Variants in GANC observed in about 807,000 individuals in gnomAD.
GANC encodes glucosidase alpha, neutral C.
A neutral mutation model predicts 124.2 loss-of-function variants in GANC; 117 were observed. The observed-to-expected ratio is 0.94, with a 90% CI of 0.81 to 1.10. GANC has a LOEUF of 1.10. Ranked by LOEUF, GANC falls within the 50% of genes least tolerant of loss-of-function variation. The pLI, the probability that GANC is intolerant of heterozygous loss-of-function variation, is 0.00. For missense variants in GANC, 1,140 were observed against 1,095.0 expected (o/e 1.04, Z -0.58); for synonymous variants, 377 against 376.8 (o/e 1.00, Z -0.01).
At chr15:42,327,595 T>C (rs779482627) in intron 13 of GANC, 153 bp downstream of exon 13, 111 of 616,754 alleles carry the variant, frequency 1.8e-4, no homozygotes, top group Non-Finnish European at 2.9e-4. Flanking sequence ...TTACAGACTC[T>C]GGGGGTGCTG....
Position 42,339,581 on chromosome 15 carries a change from C to G in GANC, c.1844-88C>G, listed in dbSNP as rs1236017086. The G allele has an allele frequency of 4.0e-6, 6 of 1,498,328 alleles. No homozygotes were observed. The Admixed American group carries it at 1.2e-4, about 29-fold the overall frequency. 92.8% of individuals were successfully genotyped at this position (1,498,328 alleles called of 1,614,324 possible). On this transcript the variant is annotated intron_variant, in intron 16 of 23. Coordinates refer to ENST00000318010, the MANE Select transcript of GANC (RefSeq NM_198141.3). Reference sequence around the variant, plus strand: ...TTTGAAGTGCATATACTGCACTTTTCTCCTGTCGGTCTTCAAGACCTTAAT... The same window carrying G: ...TTTGAAGTGCATATACTGCACTTTTGTCCTGTCGGTCTTCAAGACCTTAAT...
chr15:42,341,365 A>C (rs1201082098), intron 18 of GANC, among the ~76,000 whole-genome samples: 1 of 152,178 alleles, frequency 6.6e-6, no homozygotes, highest in Non-Finnish European at 1.5e-5. Context: ...GAAGTAGAAA[A>C]AAACAGCCCA....
chr15:42,297,844 C>CATTCATTCATTT (rs2051906558), intron 6 of GANC, among the ~76,000 whole-genome samples, 188 bp downstream of exon 6: 1 of 4,372 alleles, frequency 2.3e-4, no homozygotes, highest in Non-Finnish European at 4.8e-3. Context: ...TTTATTCATT[C>CATTCATTCATTT]ATTCATTCAT....
chr15:42,328,018 C>T (rs1042815911), intron 13 of GANC, among the ~76,000 whole-genome samples: 38 of 152,124 alleles, frequency 2.5e-4, no homozygotes, highest in African/African-American at 8.9e-4. Flanking sequence ...CATTTGTCTT[C>T]ATAATAACCC....
chr15:42,278,693 A>C (rs570202338), intron 3 of GANC, 103 bp downstream of exon 3: 1 of 779,382 alleles, frequency 1.3e-6, no homozygotes, highest in African/African-American at 1.8e-5. Flanking sequence ...AAACCTCGTT[A>C]GAAAAGGAAT....
Position 42,334,920 on chromosome 15 carries a change from G to T in GANC, c.1742-3469G>T, listed in dbSNP as rs187884158. Among the ~76,000 whole-genome samples the T allele has an allele frequency of 2.7e-3, 408 of 152,198 alleles. 1 individual carries two copies. Among genetic ancestry groups the T allele is most frequent in the African/African-American group, 9.5e-3 (394 of 41,554 alleles). Reference sequence around the variant, plus strand: ...TACCCTCCTAAGACTGAACCAAGAAGAAATTGAATCCCTGAAAAGACTAAT... The same window carrying T: ...TACCCTCCTAAGACTGAACCAAGAATAAATTGAATCCCTGAAAAGACTAAT... On this transcript the variant is annotated intron_variant, in intron 15 of 23. Transcript: ENST00000318010.
At chr15:42,275,664 T>TA (rs1162739476) in intron 1 of GANC, among the ~76,000 whole-genome samples, 1 of 152,142 alleles carries the variant, frequency 6.6e-6, no homozygotes, top group Non-Finnish European at 1.5e-5. Context: ...TCAATATACA[T>TA]ATATCTCATT....
At chr15:42,280,141 G>A (rs934020013) in intron 3 of GANC, among the ~76,000 whole-genome samples, 1 of 151,942 alleles carries the variant, frequency 6.6e-6, no homozygotes, top group East Asian at 1.9e-4. Flanking sequence ...TTATTGTGGC[G>A]GTACATTTAG....
chr15:42,278,079 T>C, intron 2 of GANC: 1 of 367,322 alleles, frequency 2.7e-6, no homozygotes, highest in Non-Finnish European at 5.7e-6. Flanking sequence ...AAGTCTACAG[T>C]GAATGCCTGG....
chr15:42,276,737 C>G (rs1418460754), intron 2 of GANC, among the ~76,000 whole-genome samples: 1 of 152,130 alleles, frequency 6.6e-6, no homozygotes, highest in Non-Finnish European at 1.5e-5. Flanking sequence ...CCACTCCTGT[C>G]CCCTTCTACC....
intron 15 of GANC, among the ~76,000 whole-genome samples, chr15:42,331,250 G>A (rs2052243074): frequency 6.6e-6 from 1 of 152,180 alleles, no homozygotes; most frequent in African/African-American, 2.4e-5. Flanking sequence ...TTCGTTGTTG[G>A]GAGAGTAACT....
At chr15:42,284,029 C>G (rs765628760) in intron 3 of GANC, 2 of 701,780 alleles carry the variant, frequency 2.8e-6, no homozygotes, top group South Asian at 1.5e-5. Context: ...CTCTGGATCC[C>G]GGGAGGTCTT....
chr15:42,281,377 T>C (rs1191935363), intron 3 of GANC, among the ~76,000 whole-genome samples: 2 of 152,158 alleles, frequency 1.3e-5, no homozygotes, highest in Non-Finnish European at 2.9e-5. Context: ...ATGCAGCTCA[T>C]TGCATAGTGA....
chr15:42,289,780 T>C (rs1292033841), intron 4 of GANC, among the ~76,000 whole-genome samples: 1 of 152,212 alleles, frequency 6.6e-6, no homozygotes, highest in African/African-American at 2.4e-5. Flanking sequence ...CCCTAACCTC[T>C]AGTACCTCAG....
intron 6 of GANC, among the ~76,000 whole-genome samples, chr15:42,305,128 G>A (rs6493039): frequency 0.96 from 146,524 of 152,286 alleles, 70,686 homozygotes; most frequent in Non-Finnish European, 1. Context: ...ATTAAACTGA[G>A]GAGCTTCTGC....
intron 7 of GANC, among the ~76,000 whole-genome samples, chr15:42,306,942 A>T (rs1311032588): frequency 6.6e-6 from 1 of 152,212 alleles, no homozygotes; most frequent in East Asian, 1.9e-4. Flanking sequence ...AGTGATGAGA[A>T]ACCCAAGTTC....
At chr15:42,314,929 A>G (rs1220331828) in intron 10 of GANC, 1 of 152,230 alleles carries the variant, frequency 6.6e-6, no homozygotes, top group East Asian at 1.9e-4. Flanking sequence ...TAAATAGAGA[A>G]CAAGTTACAG....
chr15:42,278,515 C>T lies in GANC; in HGVS notation c.126C>T (p.Thr42=). 1 of 1,611,996 alleles carries T rather than the reference C, an allele frequency of 6.2e-7. No individual in the cohort carries two copies. Among genetic ancestry groups the T allele is most frequent in the Non-Finnish European group, 8.5e-7 (1 of 1,178,998 alleles). Residue 42 remains threonine, a synonymous_variant, in exon 3 of 24, where the codon ACC becomes ACT. Transcript: ENST00000318010. ...AACAGTGGCTTTCCAAGAAGTCCAC[C>T]TATCAGGCATTATTGGATTCAGTCA... ...RQKQWLSKKS[T]YQALLDSVTT... is the part of the protein sequence containing the mutation.
chr15:42,300,987 C>T (rs2051939795), intron 6 of GANC, among the ~76,000 whole-genome samples: 1 of 148,052 alleles, frequency 6.8e-6, no homozygotes, highest in Non-Finnish European at 1.5e-5. Context: ...CATTGCACTC[C>T]AGCCTGGGCA....
Sources: allele counts gnomAD v4.1 joint callset (sites outside exome capture counted in the v4.1 genomes callset), GRCh38; gene constraint gnomAD v4.1.1; transcripts MANE v1.5; gene names NCBI Gene and HGNC (gene_info 2026-07-23, HGNC 2026-07-21).